ELL2: variants seen among roughly 807,000 people sequenced by gnomAD.
ELL2 encodes RNA polymerase II elongation factor ELL2.
A neutral mutation model predicts 72.8 loss-of-function variants in ELL2; 21 were observed. The observed-to-expected ratio is 0.29, with a 90% CI of 0.20 to 0.42. ELL2 has a LOEUF of 0.42. ELL2 is among the 10% of genes least tolerant of loss of function. The probability of loss-of-function intolerance (pLI) is 1.00; values close to 1 mark genes in which losing one functional copy is unlikely to be tolerated. For synonymous variants in ELL2, 266 were observed against 283.2 expected, an observed-to-expected ratio of 0.94 and a Z score of 0.61; for missense variants, 568 against 772.8, an observed-to-expected ratio of 0.73 and a Z score of 3.14.
intron 2 of ELL2, among the ~76,000 whole-genome samples, chr5:95,926,181 A>C (rs1750274807): frequency 6.6e-6 from 1 of 151,964 alleles, no homozygotes; most frequent in African/African-American, 2.4e-5. Flanking sequence ...GGGGAGAAAA[A>C]AAAAAAAGCC....
intron 2 of ELL2, among the ~76,000 whole-genome samples, chr5:95,927,406 CACGTGTGTATATAGACAT>C (rs1561504214): frequency 2.3e-5 from 1 of 43,772 alleles, no homozygotes. Context: ...GACATACACA[CACGTGTGTATATAGACAT>C]ACACACACAC....
At chr5:95,894,125 G>A (rs563564164) in intron 9 of ELL2, among the ~76,000 whole-genome samples, 6 of 152,240 alleles carry the variant, frequency 3.9e-5, no homozygotes, top group East Asian at 1.9e-4. Flanking sequence ...GGTAGTGGGC[G>A]CCTGTAATCC....
At chr5:95,908,710 C>T (rs2548594) in intron 4 of ELL2, among the ~76,000 whole-genome samples, 56,802 of 152,042 alleles carry the variant, frequency 0.37, 11,946 homozygotes, top group African/African-American at 0.58. Context: ...CGTTAACAAA[C>T]ATTAGCATTC....
At chr5:95,900,004 G>C (rs751209453) in intron 7 of ELL2, among the ~76,000 whole-genome samples, 2 of 152,156 alleles carry the variant, frequency 1.3e-5, no homozygotes, top group Non-Finnish European at 2.9e-5. Context: ...CAGAGAGAGA[G>C]AGGGAAGACA....
rs1228744262 is a variant in ELL2 at position 95,887,311 on chromosome 5, T to A, written c.*1560A>T. The A allele has an allele frequency of 6.6e-6, 1 of 152,650 alleles. No homozygotes were observed. The highest frequency in any genetic ancestry group is 2.4e-5 in the African/African-American group (1 of 41,466). 9.5% of individuals were successfully genotyped at this position (152,650 alleles called of 1,614,324 possible). A position where few individuals can be genotyped will look rare whatever the true frequency, so the allele number is the denominator to read the frequency against. On this transcript the variant is annotated 3_prime_UTR_variant, in exon 12 of 12. Coordinates refer to ENST00000237853, the MANE Select transcript of ELL2 (RefSeq NM_012081.6). ...GTTTTAGAACTCCAAAGAGAAAAGT[T>A]AATCTACATGCTCTCTCAAGTTTTC...
chr5:95,900,961 G>T lies in ELL2; in HGVS notation c.861C>A (p.Leu287=). 6.3e-7 allele frequency: 1 copy of T among 1,598,744 alleles called. No homozygotes were observed. The highest frequency in any genetic ancestry group is 8.5e-7 in the Non-Finnish European group (1 of 1,176,292). ...EIDRRSLESV[L]SRKLNPSQNA... is the part of the protein sequence containing the mutation. ...GCAAGAAAAAAAGAATTCACCTAGAGAGCACTGACTCCAATGACCGTCTGT... is the reference window on the plus strand; with the variant it reads ...GCAAGAAAAAAAGAATTCACCTAGATAGCACTGACTCCAATGACCGTCTGT... The change falls in exon 6 of 12, where the codon CTC becomes CTA. Residue 287 remains leucine, a synonymous_variant. Coordinates refer to ENST00000237853, the MANE Select transcript of ELL2 (RefSeq NM_012081.6).
intron 1 of ELL2, 57 bp downstream of exon 1, chr5:95,961,518 G>A: frequency 6.9e-7 from 1 of 1,445,284 alleles, no homozygotes; most frequent in Non-Finnish European, 9.1e-7. Context: ...GGCGCGGCCA[G>A]GCCGTGAGGG....
chr5:95,912,967 G>T (rs557988884), intron 4 of ELL2, among the ~76,000 whole-genome samples: 1 of 152,276 alleles, frequency 6.6e-6, no homozygotes, highest in Admixed American at 6.5e-5. Flanking sequence ...ACTATAGAGT[G>T]ACTTGTGTTA....
chr5:95,889,001 A>G lies in ELL2; in HGVS notation c.1807-14T>C, dbSNP rs571114020. ...ATTGGGACTAGACTGCAGATGAAAA[A>G]AAAAAAAAAAAAAGAGGAATGAGAT... On this transcript the variant is annotated splice_polypyrimidine_tract_variant and intron_variant, in intron 11 of 11. Coordinates refer to ENST00000237853, the MANE Select transcript of ELL2 (RefSeq NM_012081.6). 6.8e-7 allele frequency: 1 copy of G among 1,476,876 alleles called. No homozygotes were observed. Among genetic ancestry groups the G allele is most frequent in the Non-Finnish European group, 9.1e-7 (1 of 1,096,336 alleles). 91.5% of individuals were successfully genotyped at this position (1,476,876 alleles called of 1,614,324 possible).
chr5:95,933,637 T>G lies in ELL2; in HGVS notation c.195+9365A>C, dbSNP rs371120267. Among the ~76,000 whole-genome samples, 68 of 152,304 alleles carry G rather than the reference T, an allele frequency of 4.5e-4. 1 individual carries two copies. Among genetic ancestry groups the G allele is most frequent in the Middle Eastern group, 3.4e-3 (1 of 292 alleles). On this transcript the variant is annotated intron_variant, in intron 2 of 11. Coordinates refer to ENST00000237853, the MANE Select transcript of ELL2 (RefSeq NM_012081.6). ...GGACCCTTTTATTACTCATCTTTAT[T>G]CTTATGTGTATTTTATACACTTTAC...
intron 3 of ELL2, among the ~76,000 whole-genome samples, chr5:95,917,015 T>G (rs535552006): frequency 2.6e-5 from 4 of 152,306 alleles, no homozygotes; most frequent in African/African-American, 9.6e-5. Context: ...GGCAAGAAGG[T>G]ACTCTCTAGA....
chr5:95,954,346 C>T (rs1751535845), intron 1 of ELL2, among the ~76,000 whole-genome samples: 1 of 151,768 alleles, frequency 6.6e-6, no homozygotes, highest in South Asian at 2.1e-4. Context: ...CTCCTAGTGC[C>T]AATGGCTAGA....
At chr5:95,905,985 G>C (rs1749344281) in intron 5 of ELL2, among the ~76,000 whole-genome samples, 1 of 152,106 alleles carries the variant, frequency 6.6e-6, no homozygotes, top group African/African-American at 2.4e-5. Flanking sequence ...TAAAGTATGG[G>C]ATCACTGCTA....
chr5:95,921,921 T>C (rs531965557), intron 2 of ELL2, among the ~76,000 whole-genome samples: 1 of 152,322 alleles, frequency 6.6e-6, no homozygotes, highest in South Asian at 2.1e-4. Flanking sequence ...AGGTCTCATC[T>C]CCATATGATA....
chr5:95,950,812 C>T (rs1446729157), intron 1 of ELL2, among the ~76,000 whole-genome samples: 3 of 149,380 alleles, frequency 2.0e-5, no homozygotes, highest in Admixed American at 6.7e-5. Context: ...CTATTTAGCA[C>T]AATCCTTGTT....
rs536444853 is a variant in ELL2, at chr5:95,929,556, C to T, written c.196-10011G>A. Among the ~76,000 whole-genome samples the T allele has an allele frequency of 1.5e-3, 226 of 152,194 alleles. 1 individual carries two copies. The highest frequency in any genetic ancestry group is 4.6e-3 in the African/African-American group (189 of 41,522). On this transcript the variant is annotated intron_variant, in intron 2 of 11. Transcript: ENST00000237853. ...ACAGGTGTGAGCCACTGCGCCCAGC[C>T]GGTCTTACCCACTTTTATATATATT... is the stretch of plus-strand genomic sequence containing the variant.
intron 2 of ELL2, among the ~76,000 whole-genome samples, chr5:95,924,736 CCTGT>C (rs745688631): frequency 1.3e-5 from 2 of 152,206 alleles, no homozygotes; most frequent in African/African-American, 2.4e-5. Flanking sequence ...CTCCCAACCT[CCTGT>C]CTGTCTTTGA....
In ELL2 at chr5:95,898,349, C is replaced by A. The variant is rs1247462732; in HGVS notation, c.1416G>T (p.Lys472Asn). The A allele has an allele frequency of 6.2e-7, 1 of 1,613,606 alleles. No homozygotes were observed. Among genetic ancestry groups the A allele is most frequent in the Non-Finnish European group, 8.5e-7 (1 of 1,179,830 alleles). The change falls in exon 8 of 12, where the codon AAG becomes AAT. Residue 472 changes from lysine (K) to asparagine (N), a missense_variant. Physicochemically the swap from Lys to Asn is moderately conservative, Grantham distance 94. Transcript: ENST00000237853. ...CAATGTCGTGCTTTTTTATTTGGTC[C>A]TTTTCCTTATGTTTTTTAGACTTCT... Reference protein sequence around the residue: ...SKKKSKKHKEKDQIKKHDIET... With the variant: ...SKKKSKKHKENDQIKKHDIET...
chr5:95,946,708 G>T (rs761878181), intron 1 of ELL2, among the ~76,000 whole-genome samples: 2 of 152,310 alleles, frequency 1.3e-5, no homozygotes, highest in Non-Finnish European at 2.9e-5. Flanking sequence ...GTTTTGCAAA[G>T]ACTTTCCTCT....
Sources: allele counts gnomAD v4.1 joint callset (sites outside exome capture counted in the v4.1 genomes callset), GRCh38; gene constraint gnomAD v4.1.1; transcripts MANE v1.5; gene names NCBI Gene and HGNC (gene_info 2026-07-23, HGNC 2026-07-21).